Variants in PNKD observed in about 807,000 individuals in gnomAD.
The protein encoded by PNKD is PNKD metallo-beta-lactamase domain containing.
PNKD carries 36 observed loss-of-function variants against 45.3 expected under a neutral mutation model. That is an observed-to-expected ratio of 0.80 (90% CI 0.61 to 1.05). The LOEUF (loss-of-function observed/expected upper bound fraction) is 1.05, where lower values mean the gene tolerates loss of function less well. PNKD is among the 50% of genes least tolerant of loss of function. The pLI is 0.00. For synonymous variants in PNKD, 197 were observed against 210.1 expected (o/e 0.94, Z 0.54); for missense variants, 511 against 506.6 (o/e 1.01, Z -0.08).
intron 2 of PNKD, among the ~76,000 whole-genome samples, chr2:218,284,934 A>G (rs560263502): frequency 1.5e-4 from 23 of 152,270 alleles, no homozygotes; most frequent in Admixed American, 1.3e-3. Flanking sequence ...TACTAAAAAT[A>G]TAAAAATTAG....
At position 218,345,253 on chromosome 2, in the gene PNKD, A is replaced by G. The variant is rs1217270534; in HGVS notation, c.*272A>G. ...GGGTCTCGGGACATCTCCAGACCCT[A>G]CCAACTGGGAGGGTCCCCTCCTCCT... On this transcript the variant is annotated 3_prime_UTR_variant, in exon 10 of 10. Transcript: ENST00000273077. The G allele has an allele frequency of 4.7e-6, 2 of 428,656 alleles. No individual in the cohort carries two copies. Among genetic ancestry groups the G allele is most frequent in the Non-Finnish European group, 8.4e-6 (2 of 238,724 alleles). 26.6% of individuals were successfully genotyped at this position (428,656 alleles called of 1,614,324 possible). A position where few individuals can be genotyped will look rare whatever the true frequency, so the allele number is the denominator to read the frequency against.
intron 9 of PNKD, 117 bp from the exon 10 acceptor site, chr2:218,344,691 G>A: frequency 7.2e-7 from 1 of 1,391,416 alleles, no homozygotes; most frequent in Non-Finnish European, 1.0e-6. Flanking sequence ...TTTGGCCCAT[G>A]GGCCCTCAAG....
intron 2 of PNKD, chr2:218,279,267 G>A (rs767342467): frequency 1.3e-6 from 2 of 1,566,390 alleles, no homozygotes; most frequent in East Asian, 4.5e-5. Flanking sequence ...GTAGGAGTGG[G>A]TGGCAAAGCC....
intron 2 of PNKD, among the ~76,000 whole-genome samples, chr2:218,315,610 C>T (rs558910992): frequency 3.9e-5 from 6 of 152,260 alleles, no homozygotes; most frequent in Middle Eastern, 3.4e-3. Flanking sequence ...ATTAGAATGA[C>T]GCATTTGTTA....
intron 2 of PNKD, chr2:218,280,089 C>CA: frequency 6.2e-7 from 1 of 1,614,170 alleles, no homozygotes; most frequent in Non-Finnish European, 8.5e-7. Context: ...AGCTATCACT[C>CA]ACTGCTCTCT....
intron 2 of PNKD, among the ~76,000 whole-genome samples, chr2:218,300,241 G>C (rs1018918207): frequency 2.0e-5 from 3 of 152,096 alleles, no homozygotes; most frequent in Admixed American, 6.6e-5. Flanking sequence ...GACTGATCTC[G>C]CTTTAAGTTC....
chr2:218,293,679 T>G (rs1400050959), intron 2 of PNKD, among the ~76,000 whole-genome samples: 1 of 150,238 alleles, frequency 6.7e-6, no homozygotes, highest in Non-Finnish European at 1.5e-5. Flanking sequence ...TCCTCCTGGT[T>G]TCAAGTGATT....
chr2:218,301,875 G>A (rs1401331154), intron 2 of PNKD, among the ~76,000 whole-genome samples: 2 of 152,182 alleles, frequency 1.3e-5, no homozygotes, highest in African/African-American at 4.8e-5. Flanking sequence ...TTTATGAGGG[G>A]CCAACTGTGT....
chr2:218,324,931 GTC>G (rs1559525869), intron 2 of PNKD, among the ~76,000 whole-genome samples: 1 of 142,914 alleles, frequency 7.0e-6, no homozygotes. Flanking sequence ...GTGAGACTCC[GTC>G]TCAAAAAACA....
At chr2:218,344,269 C>T (rs1001024449) in intron 8 of PNKD, among the ~76,000 whole-genome samples, 186 bp from the exon 9 acceptor site, 1 of 152,222 alleles carries the variant, frequency 6.6e-6, no homozygotes. Context: ...GCCACCTTTT[C>T]ACCCATGGCT....
rs1559096838 is a variant in PNKD, at chr2:218,345,860, GT to G, written c.*881del. ...ATGCTGTATTCTCATTTTGGCCCTT[GT>G]TCTTAGGCCCGTCTGCCCGCCTTCC... is the stretch of plus-strand genomic sequence containing the variant. On this transcript the variant is annotated 3_prime_UTR_variant, in exon 10 of 10. Coordinates refer to ENST00000273077, the MANE Select transcript of PNKD (RefSeq NM_015488.5). The G allele has an allele frequency of 6.6e-6, 1 of 152,428 alleles. No homozygotes were observed. Among genetic ancestry groups the G allele is most frequent in the Non-Finnish European group, 1.5e-5 (1 of 68,088 alleles). The allele number at this position is 152,428 out of a possible 1,614,324, so 9.4% of individuals were successfully genotyped here. A position where few individuals can be genotyped will look rare whatever the true frequency, so the allele number is the denominator to read the frequency against.
intron 5 of PNKD, among the ~76,000 whole-genome samples, 177 bp from the exon 6 acceptor site, chr2:218,341,357 G>T (rs1694667588): frequency 6.6e-6 from 1 of 152,222 alleles, no homozygotes; most frequent in Non-Finnish European, 1.5e-5. Context: ...TTGAGTTGTT[G>T]GGGGCGATGT....
chr2:218,279,531 G>A (rs4674283), intron 2 of PNKD: 206,420 of 548,646 alleles, frequency 0.38, 39,538 homozygotes, highest in Middle Eastern at 0.5. Flanking sequence ...CCTCAGCCCC[G>A]CTCCCATGCT....
At position 218,323,227 on chromosome 2, in the gene PNKD, A is replaced by G. The variant is rs779407846; in HGVS notation, c.237-16556A>G. 6.7e-4 allele frequency: 964 copies of G among 1,444,400 alleles called. 1 individual carries two copies. Among genetic ancestry groups the G allele is most frequent in the Middle Eastern group, 1.3e-3 (6 of 4,564 alleles). The allele number at this position is 1,444,400 out of a possible 1,614,324, so 89.5% of individuals were successfully genotyped here. ...GGCCGGGGCCGGGCCGTTGCCTAGC[A>G]ACGCCGAGCCCCGCCCGGCCGGCGC... is the stretch of plus-strand genomic sequence containing the variant. On this transcript the variant is annotated intron_variant, in intron 2 of 9. Coordinates refer to ENST00000273077, the MANE Select transcript of PNKD (RefSeq NM_015488.5).
At chr2:218,288,239 T>C (rs912745305) in intron 2 of PNKD, among the ~76,000 whole-genome samples, 17 of 152,080 alleles carry the variant, frequency 1.1e-4, no homozygotes, top group South Asian at 2.1e-4. Flanking sequence ...CCATCCTGGC[T>C]AACATGGTGA....
At chr2:218,272,576 C>G in intron 2 of PNKD, 1 of 1,613,842 alleles carries the variant, frequency 6.2e-7, no homozygotes, top group Admixed American at 1.7e-5. Context: ...GTAGGGCCAT[C>G]GGCTTCCCTT....
chr2:218,295,898 T>C (rs55680399), intron 2 of PNKD, among the ~76,000 whole-genome samples: 79,161 of 148,556 alleles, frequency 0.53, 21,963 homozygotes, highest in South Asian at 0.64. Context: ...CAGGCTGGAG[T>C]ACAGTAGTGC....
intron 2 of PNKD, among the ~76,000 whole-genome samples, chr2:218,319,297 C>T (rs1286519436): frequency 2.0e-5 from 3 of 149,820 alleles, no homozygotes; most frequent in Non-Finnish European, 4.4e-5. Context: ...TTTCAATTTG[C>T]GTATGTCAGA....
At chr2:218,281,141 G>GTTTTTTTTTTGTTT (rs1574643362) in intron 2 of PNKD, 1 of 95,690 alleles carries the variant, frequency 1.0e-5, no homozygotes, top group African/African-American at 9.3e-5. Flanking sequence ...TTTTTTTTTG[G>GTTTTTTTTTTGTTT]TTTTTTTTTT....
Sources: gnomAD v4.1 joint callset for allele counts (sites outside exome capture counted in the v4.1 genomes callset) on GRCh38, gnomAD v4.1.1 for gene constraint, MANE v1.5 for transcripts, NCBI Gene and HGNC (gene_info 2026-07-23, HGNC 2026-07-21) for gene names.